VIT: variants seen among roughly 807,000 people sequenced by gnomAD.
VIT encodes vitrin.
A neutral mutation model predicts 78.0 loss-of-function variants in VIT; 99 were observed. The observed-to-expected ratio is 1.27, with a 90% CI of 1.08 to 1.50. The LOEUF (loss-of-function observed/expected upper bound fraction) is 1.50, where lower values mean the gene tolerates loss of function less well. VIT is among the 40% of genes most tolerant of loss of function. The pLI is 0.00. For missense variants in VIT, 1,126 were observed against 875.3 expected (o/e 1.29, Z -3.61); for synonymous variants, 374 against 334.3 (o/e 1.12, Z -1.29).
At chr2:36,811,444 G>A (rs796316302) in intron 15 of VIT, among the ~76,000 whole-genome samples, 2 of 152,150 alleles carry the variant, frequency 1.3e-5, no homozygotes, top group South Asian at 2.1e-4. Flanking sequence ...TGCTGTCAGC[G>A]CAGCCTTAAT....
At chr2:36,762,641 T>C (rs550810347) in intron 6 of VIT, among the ~76,000 whole-genome samples, 60 of 152,256 alleles carry the variant, frequency 3.9e-4, no homozygotes, top group African/African-American at 1.1e-3. Context: ...CCTTAAACCA[T>C]AGAATTCCTT....
At chr2:36,780,910 TC>T (rs1664705571) in intron 9 of VIT, among the ~76,000 whole-genome samples, 1 of 152,082 alleles carries the variant, frequency 6.6e-6, no homozygotes, top group Admixed American at 6.6e-5. Flanking sequence ...TTATAAGGCT[TC>T]CTGACACATT....
At chr2:36,779,073 C>G (rs191821252) in intron 9 of VIT, among the ~76,000 whole-genome samples, 15 of 152,356 alleles carry the variant, frequency 9.8e-5, no homozygotes, top group African/African-American at 3.4e-4. Flanking sequence ...TAGGAGCAGG[C>G]ATGCTTCTGG....
chr2:36,749,387 T>C (rs1302522829), intron 4 of VIT, among the ~76,000 whole-genome samples: 1 of 152,196 alleles, frequency 6.6e-6, no homozygotes, highest in Non-Finnish European at 1.5e-5. Flanking sequence ...ATTAAGTCAC[T>C]ACCTAAATGC....
intron 1 of VIT, among the ~76,000 whole-genome samples, chr2:36,703,346 C>A (rs1327480068): frequency 1.3e-5 from 2 of 151,984 alleles, no homozygotes; most frequent in Non-Finnish European, 2.9e-5. Flanking sequence ...CCCCTACCCC[C>A]ACCCCCCTAC....
chr2:36,702,407 T>TA (rs200638076), intron 1 of VIT, among the ~76,000 whole-genome samples: 9 of 144,706 alleles, frequency 6.2e-5, no homozygotes, highest in African/African-American at 1.0e-4. Flanking sequence ...CTCAGAGGAT[T>TA]TTTTTTTTTA....
chr2:36,701,701 G>A (rs1201487628), intron 1 of VIT, among the ~76,000 whole-genome samples: 1 of 152,186 alleles, frequency 6.6e-6, no homozygotes, highest in East Asian at 1.9e-4. Flanking sequence ...TTAATGCTAT[G>A]TGAATTCCCT....
rs148855460 is a variant in VIT, at chr2:36,703,624, T to C, written c.-19+6651T>C. Among the ~76,000 whole-genome samples the C allele has an allele frequency of 8.7e-4, 132 of 152,328 alleles. 1 individual carries two copies. The East Asian group carries it at 0.024, about 28-fold the overall frequency. On this transcript the variant is annotated intron_variant, in intron 1 of 15. Coordinates refer to ENST00000379242, the MANE Select transcript of VIT (RefSeq NM_053276.4). ...GTGTGAGACAGAGTTGTGAGTGAGTTCAGGCTCAAATATGACGCTTGAAAA... is the reference window on the plus strand; with the variant it reads ...GTGTGAGACAGAGTTGTGAGTGAGTCCAGGCTCAAATATGACGCTTGAAAA...
intron 11 of VIT, among the ~76,000 whole-genome samples, chr2:36,786,157 T>G (rs1333503307): frequency 6.6e-6 from 1 of 151,278 alleles, no homozygotes; most frequent in Non-Finnish European, 1.5e-5. Flanking sequence ...AATTTCCAAC[T>G]TTACTCACTC....
chr2:36,749,694 T>C (rs1158444386), intron 4 of VIT, among the ~76,000 whole-genome samples: 1 of 152,220 alleles, frequency 6.6e-6, no homozygotes, highest in Non-Finnish European at 1.5e-5. Context: ...TACTCCTAAC[T>C]GCTGCCCAGG....
chr2:36,795,290 A>G (rs1167336321), intron 12 of VIT, among the ~76,000 whole-genome samples: 1 of 152,032 alleles, frequency 6.6e-6, no homozygotes, highest in Non-Finnish European at 1.5e-5. Flanking sequence ...AAAAGAATGG[A>G]GTCACCTGAT....
intron 5 of VIT, among the ~76,000 whole-genome samples, chr2:36,758,378 A>C (rs1668894163): frequency 6.6e-6 from 1 of 152,226 alleles, no homozygotes; most frequent in South Asian, 2.1e-4. Flanking sequence ...TGGTCAGAAG[A>C]AGACTTTGGC....
At chr2:36,715,190 C>T (rs1240919049) in intron 1 of VIT, among the ~76,000 whole-genome samples, 1 of 152,200 alleles carries the variant, frequency 6.6e-6, no homozygotes, top group Non-Finnish European at 1.5e-5. Context: ...CCCCCACCTA[C>T]TGGATTAGAA....
chr2:36,721,360 T>C lies in VIT; in HGVS notation c.52+4938T>C, dbSNP rs550056008. On this transcript the variant is annotated intron_variant, in intron 2 of 15. Coordinates refer to ENST00000379242, the MANE Select transcript of VIT (RefSeq NM_053276.4). The stretch of plus-strand genomic sequence containing the variant: ...GCGTTCACATAGTCCCCTCTCCAGG[T>C]CCTCATGTGTCTGCCTCCCTGCCAT... Among the ~76,000 whole-genome samples the C allele has an allele frequency of 3.3e-5, 5 of 152,170 alleles. No homozygotes were observed. The South Asian group carries it at 1.0e-3, about 32-fold the overall frequency.
chr2:36,814,034 G>T (rs1667382505), intron 15 of VIT, 149 bp from the exon 16 acceptor site: 2 of 829,724 alleles, frequency 2.4e-6, no homozygotes, highest in Non-Finnish European at 3.6e-6. Flanking sequence ...TGGAAACCTA[G>T]AGGCCTGTAG....
rs574641382 is a variant in VIT, at chr2:36,787,175, T to C, written c.957T>C (p.Ile319=). 2.4e-5 allele frequency: 39 copies of C among 1,614,198 alleles called. No individual in the cohort carries two copies. The South Asian group carries it at 3.6e-4, about 15-fold the overall frequency. The change falls in exon 12 of 16, where the codon ATT becomes ATC. Residue 319 remains isoleucine, a synonymous_variant. Transcript: ENST00000379242. ...TTTTAATTGATGGGAGCACCAGCAT[T>C]GGCAAACGGCGATTCCGAATCCAGA... ...LSFLIDGSTS[I]GKRRFRIQKQ... is the part of the protein sequence containing the mutation.
rs565990957 is a variant in VIT at position 36,790,367 on chromosome 2, G to A, written c.1058+3091G>A. On this transcript the variant is annotated intron_variant, in intron 12 of 15. Coordinates refer to ENST00000379242, the MANE Select transcript of VIT (RefSeq NM_053276.4). ...TCTCAGCTGACCAGCATCCTCTGCC[G>A]GGCTCTTGGTTTCTGATCCTTCATA... 1.2e-4 allele frequency among the ~76,000 whole-genome samples: 18 copies of A among 152,164 alleles called. No homozygotes were observed. The South Asian group carries it at 1.2e-3, about 11-fold the overall frequency.
intron 4 of VIT, among the ~76,000 whole-genome samples, chr2:36,743,790 T>C (rs1667976029): frequency 6.6e-6 from 1 of 152,214 alleles, no homozygotes; most frequent in Non-Finnish European, 1.5e-5. Context: ...CACTGAGACA[T>C]TGCTCTTTTT....
chr2:36,808,849 G>C lies in VIT; in HGVS notation c.1767G>C (p.Thr589=), dbSNP rs34147001. The C allele has an allele frequency of 1.9e-6, 3 of 1,614,050 alleles. No homozygotes were observed. Among genetic ancestry groups the C allele is most frequent in the African/African-American group, 1.3e-5 (1 of 74,912 alleles). ...GCTACTGGAGTGGTGGCACCAGCACGGGGGCTGCCATCAACTTCGCCCTGG... is the reference window on the plus strand; with the variant it reads ...GCTACTGGAGTGGTGGCACCAGCACCGGGGCTGCCATCAACTTCGCCCTGG... ...RVGYWSGGTS[T]GAAINFALEQ... Residue 589 remains threonine, a synonymous_variant, in exon 15 of 16, where the codon ACG becomes ACC. Transcript: ENST00000379242.
Sources: allele counts gnomAD v4.1 joint callset (sites outside exome capture counted in the v4.1 genomes callset), GRCh38; gene constraint gnomAD v4.1.1; transcripts MANE v1.5; gene names NCBI Gene and HGNC (gene_info 2026-07-23, HGNC 2026-07-21).